Variants in NCAM2 observed in about 807,000 individuals in gnomAD.
NCAM2 encodes neural cell adhesion molecule 2, also known as N-CAM-2.
In NCAM2, 30 loss-of-function variants were observed where a neutral mutation model predicts 98.1. That is an observed-to-expected ratio of 0.31 (90% CI 0.23 to 0.41). The LOEUF is 0.41. NCAM2 is among the 10% of genes least tolerant of loss of function. The probability of loss-of-function intolerance (pLI) is 1.00; values close to 1 mark genes in which losing one functional copy is unlikely to be tolerated. For synonymous variants in NCAM2, 368 were observed against 342.4 expected, an observed-to-expected ratio of 1.07 and a Z score of -0.83; for missense variants, 867 against 1,005.8, an observed-to-expected ratio of 0.86 and a Z score of 1.87.
At chr21:21,528,422 G>C (rs926000403) in intron 16 of NCAM2, among the ~76,000 whole-genome samples, 24 of 152,146 alleles carry the variant, frequency 1.6e-4, no homozygotes, top group Non-Finnish European at 2.4e-4. Context: ...TGTTGCTAAT[G>C]GGGGAGGCTA....
intron 1 of NCAM2, among the ~76,000 whole-genome samples, chr21:21,087,777 G>A (rs1601330085): frequency 6.6e-6 from 1 of 152,090 alleles, no homozygotes; most frequent in African/African-American, 2.4e-5. Context: ...ATTCAGACCA[G>A]TCTTCTGTTT....
At chr21:21,153,416 C>T (rs188173384) in intron 1 of NCAM2, among the ~76,000 whole-genome samples, 80 of 151,846 alleles carry the variant, frequency 5.3e-4, no homozygotes, top group African/African-American at 1.9e-3. Context: ...TTATTTGCCC[C>T]TTGCCTTGTA....
intron 1 of NCAM2, among the ~76,000 whole-genome samples, chr21:21,185,381 A>G (rs928913257): frequency 6.6e-6 from 1 of 152,008 alleles, no homozygotes; most frequent in Admixed American, 6.6e-5. Context: ...TTCTTCAGGT[A>G]CTCAATTTCA....
At chr21:21,311,664 A>G (rs2074058783) in intron 5 of NCAM2, among the ~76,000 whole-genome samples, 1 of 152,070 alleles carries the variant, frequency 6.6e-6, no homozygotes, top group East Asian at 1.9e-4. Flanking sequence ...CTTATTTACT[A>G]AAGTCTTCTT....
At chr21:21,119,500 T>G (rs886135873) in intron 1 of NCAM2, among the ~76,000 whole-genome samples, 1 of 152,218 alleles carries the variant, frequency 6.6e-6, no homozygotes, top group Non-Finnish European at 1.5e-5. Context: ...AAGCAGTAAT[T>G]GCTCTGCAGC....
At chr21:21,136,134 G>T (rs2067045194) in intron 1 of NCAM2, among the ~76,000 whole-genome samples, 1 of 152,066 alleles carries the variant, frequency 6.6e-6, no homozygotes, top group Non-Finnish European at 1.5e-5. Flanking sequence ...CAGACTATTT[G>T]AACAGACACT....
intron 15 of NCAM2, among the ~76,000 whole-genome samples, chr21:21,487,560 T>C (rs1442985246): frequency 6.6e-6 from 1 of 152,112 alleles, no homozygotes; most frequent in Admixed American, 6.5e-5. Flanking sequence ...TTCAAAAGAT[T>C]GTTTTGACCG....
At chr21:21,265,442 A>T (rs2072214557) in intron 1 of NCAM2, among the ~76,000 whole-genome samples, 2 of 35,560 alleles carry the variant, frequency 5.6e-5, no homozygotes, top group South Asian at 3.0e-3. Flanking sequence ...TATATATTAT[A>T]TATACACACA....
chr21:21,514,601 G>C (rs1432962441), intron 16 of NCAM2, among the ~76,000 whole-genome samples: 1 of 151,836 alleles, frequency 6.6e-6, no homozygotes, highest in Non-Finnish European at 1.5e-5. Flanking sequence ...AGGTCAGTAA[G>C]GCCCTCTATA....
chr21:21,450,042 T>G (rs901221585), intron 12 of NCAM2, among the ~76,000 whole-genome samples: 4 of 152,144 alleles, frequency 2.6e-5, no homozygotes, highest in Non-Finnish European at 5.9e-5. Flanking sequence ...CTGATTTGCC[T>G]TTTTACAAAA....
intron 6 of NCAM2, among the ~76,000 whole-genome samples, chr21:21,334,148 G>A (rs969975021): frequency 6.6e-6 from 1 of 151,960 alleles, no homozygotes; most frequent in African/African-American, 2.4e-5. Flanking sequence ...GGCCAGGCTG[G>A]TCTCAAACTC....
At chr21:21,473,373 AAT>A (rs57318222) in intron 14 of NCAM2, among the ~76,000 whole-genome samples, 11,225 of 140,438 alleles carry the variant, frequency 0.08, 634 homozygotes, top group African/African-American at 0.15. Flanking sequence ...TATATGTATA[AAT>A]ATATATATAT....
chr21:21,308,818 C>G (rs1252725702), intron 5 of NCAM2, among the ~76,000 whole-genome samples: 1 of 151,994 alleles, frequency 6.6e-6, no homozygotes, highest in Non-Finnish European at 1.5e-5. Flanking sequence ...ATAATCTTAT[C>G]TTTCATTTTT....
chr21:21,063,256 T>C (rs2065360386), intron 1 of NCAM2, among the ~76,000 whole-genome samples: 1 of 135,146 alleles, frequency 7.4e-6, no homozygotes, highest in African/African-American at 2.8e-5. Context: ...AGTCTCACTC[T>C]GTCACCCAGG....
intron 1 of NCAM2, among the ~76,000 whole-genome samples, chr21:21,181,972 T>G (rs2068488106): frequency 1.3e-5 from 2 of 151,334 alleles, no homozygotes; most frequent in Admixed American, 1.3e-4. Context: ...GTGGGAGGAT[T>G]GCTTGATCCC....
intron 1 of NCAM2, among the ~76,000 whole-genome samples, chr21:21,066,106 A>G (rs2065431467): frequency 1.3e-5 from 2 of 152,160 alleles, no homozygotes; most frequent in Middle Eastern, 3.2e-3. Flanking sequence ...TTCATGGGAT[A>G]TTCTATGTAA....
At position 21,057,929 on chromosome 21, in the gene NCAM2, A is replaced by C. The variant is rs1347024822; in HGVS notation, c.55+59311A>C. Among the ~76,000 whole-genome samples the C allele has an allele frequency of 3.9e-5, 6 of 152,118 alleles. No homozygotes were observed. The East Asian group carries it at 1.2e-3, about 29-fold the overall frequency. ...GGAGACTCCAATACCTGTCTCCTTT[A>C]GGCCTAGCCAGTGGCAAGAGAGGAG... On this transcript the variant is annotated intron_variant, in intron 1 of 17. Coordinates refer to ENST00000400546, the MANE Select transcript of NCAM2 (RefSeq NM_004540.5).
chr21:21,335,811 C>T (rs1357978102), intron 7 of NCAM2, 146 bp downstream of exon 7: 6 of 771,946 alleles, frequency 7.8e-6, no homozygotes, highest in Non-Finnish European at 8.9e-6. Context: ...TTTCAGCTAC[C>T]AGATAGAATT....
chr21:21,161,493 A>T (rs1406977962), intron 1 of NCAM2, among the ~76,000 whole-genome samples: 1 of 151,718 alleles, frequency 6.6e-6, no homozygotes, highest in Non-Finnish European at 1.5e-5. Flanking sequence ...AGCCCACTGA[A>T]GCTGGACTTA....
Sources: gnomAD v4.1 joint callset for allele counts (sites outside exome capture counted in the v4.1 genomes callset) on GRCh38, gnomAD v4.1.1 for gene constraint, MANE v1.5 for transcripts, NCBI Gene and HGNC (gene_info 2026-07-23, HGNC 2026-07-21) for gene names.